Variants in VDAC1 observed in about 807,000 individuals in gnomAD.
VDAC1 encodes the protein non-selective voltage-gated ion channel VDAC1.
Under a neutral mutation model 34.7 loss-of-function variants are expected in VDAC1, and 10 were observed. The observed-to-expected ratio is 0.29, with a 90% confidence interval of 0.18 to 0.49. VDAC1 has a LOEUF of 0.49. Among genes scored for constraint, VDAC1 ranks in the 20% least tolerant of loss-of-function variants. The pLI is 0.99. For missense variants in VDAC1, 230 were observed against 347.9 expected, an observed-to-expected ratio of 0.66 and a Z score of 2.69; for synonymous variants, 130 against 136.0, an observed-to-expected ratio of 0.96 and a Z score of 0.30.
At chr5:134,011,563 C>T in the VDAC1 span, among the ~76,000 whole-genome samples, 6 of 151,436 alleles carry the variant, frequency 4.0e-5, no homozygotes, top group East Asian at 1.9e-4. Flanking sequence ...ACAGATGTTA[C>T]GGATCTTGAC....
At position 133,980,967 on chromosome 5, in the gene VDAC1, A is replaced by G; in HGVS notation, c.324-11T>C. The G allele has an allele frequency of 1.9e-6, 3 of 1,610,910 alleles. No individual in the cohort carries two copies. Among genetic ancestry groups the G allele is most frequent in the East Asian group, 2.2e-5 (1 of 44,848 alleles). On this transcript the variant is annotated splice_polypyrimidine_tract_variant and intron_variant, in intron 5 of 8. Coordinates refer to ENST00000265333, the MANE Select transcript of VDAC1 (RefSeq NM_003374.3). ...TTAGCATTTTTTTTCCTGAAGGAAAATAAGTTATATTAAGATCAGAAGCTA... is the reference window on the plus strand; with the variant it reads ...TTAGCATTTTTTTTCCTGAAGGAAAGTAAGTTATATTAAGATCAGAAGCTA...
rs570623513 is a variant in VDAC1, at chr5:133,985,127, C to T, written c.324-4171G>A. On this transcript the variant is annotated intron_variant, in intron 5 of 8. Transcript: ENST00000265333. ...ACTGTCTCTTGGCTGCTTGAGACAT[C>T]GCTTCTATTTGTAAGTCTCTATTAA... Among the ~76,000 whole-genome samples, 378 of 152,210 alleles carry T rather than the reference C, an allele frequency of 2.5e-3. 4 individuals carry two copies. The highest frequency in any genetic ancestry group is 2.1e-3 in the Non-Finnish European group (144 of 68,016).
At chr5:134,008,952 G>A (rs956843071), upstream of VDAC1, among the ~76,000 whole-genome samples, 6 of 152,114 alleles carry the variant, frequency 3.9e-5, no homozygotes, top group Admixed American at 3.9e-4. Context: ...TCCCCACACT[G>A]TGCCCTGACA....
the VDAC1 span, among the ~76,000 whole-genome samples, chr5:134,033,192 C>T: frequency 4.3e-5 from 6 of 139,510 alleles, no homozygotes. Context: ...GCGTCTGGCT[C>T]TGTCACCCAG....
the VDAC1 span, among the ~76,000 whole-genome samples, chr5:134,087,269 C>T: frequency 1.3e-5 from 2 of 151,990 alleles, no homozygotes; most frequent in African/African-American, 2.4e-5. Flanking sequence ...TGTGCACCTG[C>T]GGTCGCTGCA....
the VDAC1 span, among the ~76,000 whole-genome samples, chr5:134,058,595 G>A: frequency 7.2e-5 from 11 of 152,206 alleles, no homozygotes; most frequent in Middle Eastern, 3.4e-3. Flanking sequence ...GATTACAGAC[G>A]TGAGCCACCG....
chr5:134,011,651 T>A, the VDAC1 span, among the ~76,000 whole-genome samples: 1 of 151,732 alleles, frequency 6.6e-6, no homozygotes, highest in Non-Finnish European at 1.5e-5. Flanking sequence ...TTTTTTTTTT[T>A]TTTTTTTAGA....
the VDAC1 span, among the ~76,000 whole-genome samples, chr5:134,109,178 G>A: frequency 3.9e-5 from 6 of 152,178 alleles, no homozygotes; most frequent in Non-Finnish European, 5.9e-5. Flanking sequence ...TCTGAGCACC[G>A]CAGGTTGCCA....
chr5:133,975,104 T>C (rs539162849), intron 7 of VDAC1, among the ~76,000 whole-genome samples: 6 of 152,122 alleles, frequency 3.9e-5, no homozygotes, highest in African/African-American at 1.4e-4. Flanking sequence ...TTGTCTCTAC[T>C]AAAAATTTTT....
In VDAC1 at chr5:133,972,176, A is replaced by C. The variant is rs1752318953; in HGVS notation, c.*595T>G. On this transcript the variant is annotated 3_prime_UTR_variant, in exon 9 of 9. Coordinates refer to ENST00000265333, the MANE Select transcript of VDAC1 (RefSeq NM_003374.3). ...CATACTCTGGTGCAAGGGCCAAAAA[A>C]AAACACAACACAAGAAGGAATAAGT... 1.3e-5 allele frequency: 2 copies of C among 155,434 alleles called. No homozygotes were observed. The highest frequency in any genetic ancestry group is 4.8e-5 in the African/African-American group (2 of 41,538). 9.6% of individuals were successfully genotyped at this position (155,434 alleles called of 1,614,324 possible).
At chr5:134,049,602 A>C in the VDAC1 span, among the ~76,000 whole-genome samples, 1 of 152,156 alleles carries the variant, frequency 6.6e-6, no homozygotes, top group Non-Finnish European at 1.5e-5. Flanking sequence ...TTGTTTTTTA[A>C]TACAGAGTCT....
chr5:134,102,716 C>A, the VDAC1 span, among the ~76,000 whole-genome samples: 1 of 152,060 alleles, frequency 6.6e-6, no homozygotes, highest in Admixed American at 6.5e-5. Context: ...TTTTTAATTA[C>A]AAAAGCAACT....
At chr5:134,059,229 C>T in the VDAC1 span, among the ~76,000 whole-genome samples, 1,022 of 152,280 alleles carry the variant, frequency 6.7e-3, 9 homozygotes, top group Non-Finnish European at 0.011. Context: ...ACTCTTACAG[C>T]TTCCCTCCCC....
the VDAC1 span, among the ~76,000 whole-genome samples, chr5:134,098,455 C>T: frequency 6.6e-6 from 1 of 152,058 alleles, no homozygotes; most frequent in East Asian, 1.9e-4. Flanking sequence ...AAACTCCTGA[C>T]TTCGGGTGAT....
chr5:134,073,715 A>C, the VDAC1 span, among the ~76,000 whole-genome samples: 1 of 152,230 alleles, frequency 6.6e-6, no homozygotes, highest in African/African-American at 2.4e-5. Context: ...TTTAAAAAGA[A>C]GGAAGTAGGT....
At chr5:134,074,987 A>C in the VDAC1 span, among the ~76,000 whole-genome samples, 1 of 152,182 alleles carries the variant, frequency 6.6e-6, no homozygotes, top group African/African-American at 2.4e-5. Flanking sequence ...AACTTTGCTC[A>C]GTGGTACAGC....
chr5:133,985,724 T>C (rs961430743), intron 5 of VDAC1, among the ~76,000 whole-genome samples: 3 of 152,252 alleles, frequency 2.0e-5, no homozygotes, highest in Non-Finnish European at 4.4e-5. Flanking sequence ...CAGCCAAGTA[T>C]GTGATTGGCA....
At chr5:134,050,045 T>C in the VDAC1 span, among the ~76,000 whole-genome samples, 1 of 152,162 alleles carries the variant, frequency 6.6e-6, no homozygotes, top group South Asian at 2.1e-4. Flanking sequence ...GGTCAAGTGA[T>C]TGAGACCATC....
chr5:134,051,111 C>T, the VDAC1 span, among the ~76,000 whole-genome samples: 1 of 152,224 alleles, frequency 6.6e-6, no homozygotes, highest in Non-Finnish European at 1.5e-5. Context: ...GGACAGAGCA[C>T]CTTCTTCCAG....
Sources: gnomAD v4.1 joint callset for allele counts (sites outside exome capture counted in the v4.1 genomes callset) on GRCh38, gnomAD v4.1.1 for gene constraint, MANE v1.5 for transcripts, NCBI Gene and HGNC (gene_info 2026-07-23, HGNC 2026-07-21) for gene names.